Variants in LRPPRC observed in about 807,000 individuals in gnomAD.
The protein encoded by LRPPRC is leucine rich pentatricopeptide repeat containing, also known as leucine-rich PPR motif-containing protein, mitochondrial.
In LRPPRC, 120 loss-of-function variants were observed where a neutral mutation model predicts 180.3. That is an observed-to-expected ratio of 0.67 (90% CI 0.57 to 0.77). The LOEUF (loss-of-function observed/expected upper bound fraction) is 0.77. Ranked by LOEUF, LRPPRC falls within the 30% of genes least tolerant of loss-of-function variation. The pLI is 0.00. For synonymous variants in LRPPRC, 723 were observed against 600.0 expected (o/e 1.21, Z -3.00); for missense variants, 2,012 against 1,657.2 (o/e 1.21, Z -3.72).
intron 25 of LRPPRC, among the ~76,000 whole-genome samples, chr2:43,933,096 C>G (rs929872483): frequency 2.3e-4 from 35 of 152,184 alleles, no homozygotes; most frequent in African/African-American, 8.4e-4. Flanking sequence ...AAATGAACCA[C>G]TTAAGCTACA....
chr2:43,955,837 G>A (rs1380756122), intron 14 of LRPPRC, among the ~76,000 whole-genome samples: 2 of 152,124 alleles, frequency 1.3e-5, no homozygotes, highest in South Asian at 2.1e-4. Context: ...TGGAAAAACA[G>A]GGTAGACACA....
At chr2:43,904,701 C>CAAAACAAAA (rs1671005873) in intron 31 of LRPPRC, 1 of 116,024 alleles carries the variant, frequency 8.6e-6, no homozygotes, top group Admixed American at 8.4e-5. Flanking sequence ...TCAAAAAAAA[C>CAAAACAAAA]AAAAACAAAA....
intron 29 of LRPPRC, among the ~76,000 whole-genome samples, chr2:43,917,715 G>C (rs1038454925): frequency 2.0e-5 from 3 of 152,108 alleles, no homozygotes; most frequent in Non-Finnish European, 4.4e-5. Flanking sequence ...CGTGAACCCA[G>C]AAGGCGGAGC....
intron 35 of LRPPRC, among the ~76,000 whole-genome samples, chr2:43,894,882 G>A (rs1344078982): frequency 1.3e-5 from 2 of 152,152 alleles, no homozygotes; most frequent in Non-Finnish European, 2.9e-5. Flanking sequence ...TCTAGAATAT[G>A]ATAAACACAT....
Position 43,886,544 on chromosome 2 carries a change from TTGTAA to T in LRPPRC, c.*2051_*2055del, listed in dbSNP as rs1281670155. On this transcript the variant is annotated 3_prime_UTR_variant, in exon 38 of 38. Coordinates refer to ENST00000260665, the MANE Select transcript of LRPPRC (RefSeq NM_133259.4). The stretch of plus-strand genomic sequence containing the variant: ...AAAAGATATTTGAACAGCTAGTCCT[TTGTAA>T]CACCCCCCCGCTGCTGCCGAGAGGG... The T allele has an allele frequency of 5.9e-5, 9 of 152,214 alleles. No homozygotes were observed. Among genetic ancestry groups the T allele is most frequent in the African/African-American group, 2.2e-4 (9 of 41,444 alleles). 9.4% of individuals were successfully genotyped at this position (152,214 alleles called of 1,614,324 possible).
chr2:43,974,002 G>C, intron 9 of LRPPRC, 102 bp from the exon 10 acceptor site: 2 of 1,107,422 alleles, frequency 1.8e-6, no homozygotes, highest in Non-Finnish European at 1.4e-6. Context: ...TTTAAACCCC[G>C]CATCCTCTTT....
Position 43,889,739 on chromosome 2 carries a change from G to C in LRPPRC, c.4123C>G (p.Pro1375Ala). ...CTTAATTAAGAAATACTCACAGGGGGTTCAATGAAAGGGACAGGCTCTCCA... is the reference window on the plus strand; with the variant it reads ...CTTAATTAAGAAATACTCACAGGGGCTTCAATGAAAGGGACAGGCTCTCCA... Reference protein sequence around the residue: ...YAGEPVPFIEPPESFEFYAQQ... With the variant: ...YAGEPVPFIEAPESFEFYAQQ... Residue 1375 changes from proline to alanine, a missense_variant, in exon 37 of 38, where the codon CCC becomes GCC. Pro to Ala is a conservative substitution (Grantham distance 27). Coordinates refer to ENST00000260665, the MANE Select transcript of LRPPRC (RefSeq NM_133259.4). 1 of 1,611,502 alleles carries C rather than the reference G, an allele frequency of 6.2e-7. No homozygotes were observed. Among genetic ancestry groups the C allele is most frequent in the Non-Finnish European group, 8.5e-7 (1 of 1,177,630 alleles).
intron 14 of LRPPRC, among the ~76,000 whole-genome samples, chr2:43,953,857 T>C (rs1337927960): frequency 6.6e-6 from 1 of 152,154 alleles, no homozygotes; most frequent in Non-Finnish European, 1.5e-5. Context: ...TACAATAGTA[T>C]CAAAACTCTT....
intron 34 of LRPPRC, among the ~76,000 whole-genome samples, chr2:43,897,283 A>G (rs1670720038): frequency 6.6e-6 from 1 of 152,180 alleles, no homozygotes; most frequent in African/African-American, 2.4e-5. Context: ...TAAACTAAAA[A>G]AAAAAGTTTA....
chr2:43,933,568 G>T (rs1357337713), intron 25 of LRPPRC, among the ~76,000 whole-genome samples: 1 of 152,130 alleles, frequency 6.6e-6, no homozygotes, highest in African/African-American at 2.4e-5. Context: ...ATCACAATTT[G>T]GACAGACTTT....
chr2:43,915,279 A>C (rs886548432), intron 29 of LRPPRC, among the ~76,000 whole-genome samples: 3 of 135,272 alleles, frequency 2.2e-5, no homozygotes, highest in African/African-American at 2.8e-5. Flanking sequence ...CACACACACA[A>C]GTTCATCAGA....
chr2:43,910,562 T>A (rs1003149056), intron 30 of LRPPRC, among the ~76,000 whole-genome samples: 1 of 152,180 alleles, frequency 6.6e-6, no homozygotes, highest in Admixed American at 6.5e-5. Context: ...AATTTCACCT[T>A]ATGAAGATTT....
At chr2:43,934,317 T>C (rs760898068) in intron 24 of LRPPRC, 21 bp from the exon 25 acceptor site, 8 of 1,188,562 alleles carry the variant, frequency 6.7e-6, no homozygotes, top group Non-Finnish European at 1.0e-5. Flanking sequence ...GAGAAAAAAA[T>C]ATATATATTA....
intron 29 of LRPPRC, among the ~76,000 whole-genome samples, chr2:43,916,625 T>C (rs1210680622): frequency 1.3e-5 from 2 of 152,206 alleles, no homozygotes; most frequent in South Asian, 2.1e-4. Flanking sequence ...CAATAGCATT[T>C]ATTACGAAAA....
intron 27 of LRPPRC, among the ~76,000 whole-genome samples, chr2:43,918,850 G>GAT (rs1331035452): frequency 2.0e-4 from 29 of 146,656 alleles, no homozygotes; most frequent in Non-Finnish European, 3.3e-4. Context: ...TATATATAGA[G>GAT]ATATATATAT....
chr2:43,960,573 G>T lies in LRPPRC; in HGVS notation c.1550C>A (p.Ala517Glu). 1 of 1,602,808 alleles carries T rather than the reference G, an allele frequency of 6.2e-7. No individual in the cohort carries two copies. Among genetic ancestry groups the T allele is most frequent in the Non-Finnish European group, 8.5e-7 (1 of 1,170,932 alleles). Residue 517 changes from alanine to glutamate, a missense_variant, in exon 13 of 38, where the codon GCA becomes GAA. Physicochemically the swap from Ala to Glu is moderately radical, Grantham distance 107. Coordinates refer to ENST00000260665, the MANE Select transcript of LRPPRC (RefSeq NM_133259.4). ...FSQAGLRSEA[A>E]NGNLDFVLSF... Reference sequence around the variant, plus strand: ...TAATACAAAGTCTAAGTTCCCATTTGCTGCTTCACTTCTCAATCCAGCTTG... The same window carrying T: ...TAATACAAAGTCTAAGTTCCCATTTTCTGCTTCACTTCTCAATCCAGCTTG...
chr2:43,908,924 T>G (rs949229082), intron 30 of LRPPRC, among the ~76,000 whole-genome samples: 1 of 152,186 alleles, frequency 6.6e-6, no homozygotes, highest in South Asian at 2.1e-4. Context: ...ACTGCCAGAA[T>G]AATACTAGGG....
At chr2:43,954,628 G>A (rs1301856982) in intron 14 of LRPPRC, among the ~76,000 whole-genome samples, 1 of 152,120 alleles carries the variant, frequency 6.6e-6, no homozygotes, top group South Asian at 2.1e-4. Flanking sequence ...TAGCCACTGA[G>A]GGGGGATAAA....
At chr2:43,956,401 T>A (rs961997065) in intron 14 of LRPPRC, among the ~76,000 whole-genome samples, 1 of 152,028 alleles carries the variant, frequency 6.6e-6, no homozygotes, top group African/African-American at 2.4e-5. Flanking sequence ...GATGACTTTA[T>A]TCTTAAGAGA....
Sources: allele counts gnomAD v4.1 joint callset (sites outside exome capture counted in the v4.1 genomes callset), GRCh38; gene constraint gnomAD v4.1.1; transcripts MANE v1.5; gene names NCBI Gene and HGNC (gene_info 2026-07-23, HGNC 2026-07-21).